Variants in TMEM132D observed in about 807,000 individuals in gnomAD.
The protein encoded by TMEM132D is mature OL transmembrane protein.
Under a neutral mutation model 62.3 loss-of-function variants are expected in TMEM132D, and 21 were observed. That is an observed-to-expected ratio of 0.34 (90% CI 0.24 to 0.49). TMEM132D has a LOEUF of 0.49. Among genes scored for constraint, TMEM132D ranks in the 20% least tolerant of loss-of-function variants. TMEM132D has a pLI of 0.99. For synonymous variants in TMEM132D, 621 were observed against 575.6 expected (o/e 1.08, Z -1.13); for missense variants, 1,346 against 1,402.8 (o/e 0.96, Z 0.65).
intron 5 of TMEM132D, among the ~76,000 whole-genome samples, chr12:129,203,990 C>A (rs1370324564): frequency 2.0e-5 from 3 of 152,130 alleles, no homozygotes; most frequent in Non-Finnish European, 4.4e-5. Context: ...CATAATCAAA[C>A]CCCCTAGAAC....
At chr12:129,372,279 A>G (rs909166668) in intron 3 of TMEM132D, among the ~76,000 whole-genome samples, 12 of 152,210 alleles carry the variant, frequency 7.9e-5, no homozygotes, top group African/African-American at 2.9e-4. Flanking sequence ...GTTTTAGGCC[A>G]GGGGTCCCCA....
At chr12:129,182,662 T>C (rs1878100362) in intron 5 of TMEM132D, among the ~76,000 whole-genome samples, 1 of 152,236 alleles carries the variant, frequency 6.6e-6, no homozygotes, top group South Asian at 2.1e-4. Flanking sequence ...TCTATGGATT[T>C]AAATGTTAAT....
At chr12:129,661,865 T>G (rs915991189) in intron 2 of TMEM132D, among the ~76,000 whole-genome samples, 1 of 152,216 alleles carries the variant, frequency 6.6e-6, no homozygotes, top group Admixed American at 6.5e-5. Context: ...CTAGGTGTGT[T>G]GTATAGGATA....
intron 1 of TMEM132D, among the ~76,000 whole-genome samples, chr12:129,792,871 C>T (rs1338111347): frequency 2.6e-5 from 4 of 151,964 alleles, no homozygotes; most frequent in African/African-American, 7.3e-5. Flanking sequence ...TTAGGTGGTA[C>T]GGAAAACACA....
chr12:129,408,359 A>C (rs1871858470), intron 3 of TMEM132D, among the ~76,000 whole-genome samples: 1 of 151,902 alleles, frequency 6.6e-6, no homozygotes. Context: ...TAGTAAGAAC[A>C]CTGAACTGCT....
In TMEM132D at chr12:129,570,358, CTTCA is replaced by C. The variant is rs1877477783; in HGVS notation, c.969-39157_969-39154del. 3.3e-5 allele frequency among the ~76,000 whole-genome samples: 5 copies of C among 152,190 alleles called. No individual in the cohort carries two copies. In the South Asian group the frequency reaches 1.0e-3, roughly 32 times the overall value. The stretch of plus-strand genomic sequence containing the variant: ...CTCATGGTGCCACAAGGACATCTAC[CTTCA>C]TGTAGTTTCATTCAAATAGATAGCC... On this transcript the variant is annotated intron_variant, in intron 2 of 8. Transcript: ENST00000422113.
Position 129,903,412 on chromosome 12 carries a change from T to C in TMEM132D, c.-73A>G, listed in dbSNP as rs571924988. 82 of 1,473,542 alleles carry C rather than the reference T, an allele frequency of 5.6e-5. No individual in the cohort carries two copies. The Admixed American group carries it at 1.3e-3, about 23-fold the overall frequency. The allele number at this position is 1,473,542 out of a possible 1,614,324, so 91.3% of individuals were successfully genotyped here. ...CGAACAAGAGACCGTCTCAGTCCCC[T>C]AGAGGCCCGCAGCGGGGCCGGTGGC... On this transcript the variant is annotated 5_prime_UTR_variant, in exon 1 of 9. Transcript: ENST00000422113. The surrounding 1 kb of genome is among the most constrained non-coding windows in gnomAD (Gnocchi z 6.2).
chr12:129,724,662 G>A (rs6486499), intron 1 of TMEM132D, among the ~76,000 whole-genome samples: 124,124 of 152,050 alleles, frequency 0.82, 51,353 homozygotes, highest in Non-Finnish European at 0.9. Context: ...AGCTGGGATT[G>A]CAAGCACCCA....
chr12:129,317,472 C>T lies in TMEM132D; in HGVS notation c.1299+20162G>A, dbSNP rs1336985198. Among the ~76,000 whole-genome samples, 3 of 152,184 alleles carry T rather than the reference C, an allele frequency of 2.0e-5. No homozygotes were observed. The East Asian group carries it at 5.8e-4, about 29-fold the overall frequency. On this transcript the variant is annotated intron_variant, in intron 4 of 8. Coordinates refer to ENST00000422113, the MANE Select transcript of TMEM132D (RefSeq NM_133448.3). ...TTTGAGGAGGCTGAAGATAGGCCCC[C>T]AATCCCTTCTAGCTTATAGGGTTTC...
At chr12:129,618,860 G>C (rs1414221504) in intron 2 of TMEM132D, among the ~76,000 whole-genome samples, 2 of 152,200 alleles carry the variant, frequency 1.3e-5, no homozygotes, top group African/African-American at 2.4e-5. Context: ...GAAGACAGAA[G>C]ACATCAATCT....
chr12:129,822,647 C>T (rs1439725305), intron 1 of TMEM132D, among the ~76,000 whole-genome samples: 5 of 152,192 alleles, frequency 3.3e-5, no homozygotes, highest in Admixed American at 6.5e-5. Context: ...CAGTTCCACA[C>T]GGCTGCCAAG....
chr12:129,098,327 G>A (rs1261947364), intron 5 of TMEM132D, among the ~76,000 whole-genome samples: 2 of 152,198 alleles, frequency 1.3e-5, no homozygotes, highest in African/African-American at 2.4e-5. Flanking sequence ...TCAGTAAGTG[G>A]TGCTGGAACA....
At chr12:129,083,551 C>G (rs1764898921) in intron 6 of TMEM132D, among the ~76,000 whole-genome samples, 1 of 152,184 alleles carries the variant, frequency 6.6e-6, no homozygotes, top group Non-Finnish European at 1.5e-5. Context: ...AGCCAGCTCC[C>G]AACTGTCCCT....
chr12:129,579,341 AC>A (rs1389906451), intron 2 of TMEM132D, among the ~76,000 whole-genome samples: 47 of 152,306 alleles, frequency 3.1e-4, no homozygotes, highest in Admixed American at 7.8e-4. Context: ...CAGGGACGAA[AC>A]TAATCAGATA....
chr12:129,770,769 A>G lies in TMEM132D; in HGVS notation c.80-70071T>C, dbSNP rs368605425. On this transcript the variant is annotated intron_variant, in intron 1 of 8. Transcript: ENST00000422113. ...CACCATAAAACCTATTTTATAATAAAGTCTTGAATAGCTCATGAAATGTAT... is the reference window on the plus strand; with the variant it reads ...CACCATAAAACCTATTTTATAATAAGGTCTTGAATAGCTCATGAAATGTAT... Among the ~76,000 whole-genome samples the G allele has an allele frequency of 2.6e-5, 4 of 152,196 alleles. No homozygotes were observed. The East Asian group carries it at 7.7e-4, about 29-fold the overall frequency.
intron 3 of TMEM132D, among the ~76,000 whole-genome samples, chr12:129,446,939 A>G (rs1013138867): frequency 6.6e-6 from 1 of 152,214 alleles, no homozygotes; most frequent in Non-Finnish European, 1.5e-5. Flanking sequence ...AGTATTAGCA[A>G]GCACACAGCA....
Position 129,903,233 on chromosome 12 carries a change from C to A in TMEM132D, c.79+28G>T. The A allele has an allele frequency of 6.4e-7, 1 of 1,551,132 alleles. No homozygotes were observed. The highest frequency in any genetic ancestry group is 8.7e-7 in the Non-Finnish European group (1 of 1,146,718). ...ACTCACTCCAGGCGAAGTTAGTCCCCGGGCCCTGGCGGCCGCGGCGTCCTC... is the reference window on the plus strand; with the variant it reads ...ACTCACTCCAGGCGAAGTTAGTCCCAGGGCCCTGGCGGCCGCGGCGTCCTC... On this transcript the variant is annotated intron_variant, in intron 1 of 8. Coordinates refer to ENST00000422113, the MANE Select transcript of TMEM132D (RefSeq NM_133448.3). This position sits in a 1 kb window ranked among gnomAD's most constrained non-coding sequence, Gnocchi z 6.2.
At chr12:129,573,768 G>GCTATGTTTATTTTTAAAAATCTGC (rs1565908513) in intron 2 of TMEM132D, among the ~76,000 whole-genome samples, 1 of 152,008 alleles carries the variant, frequency 6.6e-6, no homozygotes, top group African/African-American at 2.4e-5. Context: ...AGCAGGGAAA[G>GCTATGTTTATTTTTAAAAATCTGC]ATAACAGTGT....
chr12:129,451,311 G>A (rs1273554854), intron 3 of TMEM132D, among the ~76,000 whole-genome samples: 1 of 152,186 alleles, frequency 6.6e-6, no homozygotes, highest in East Asian at 1.9e-4. Context: ...CTGATAAGCA[G>A]GCATTAATCA....
Sources: gnomAD v4.1 joint callset for allele counts (sites outside exome capture counted in the v4.1 genomes callset) on GRCh38, gnomAD v4.1.1 for gene constraint, Gnocchi (gnomAD v3.1) non-coding constraint, MANE v1.5 for transcripts, NCBI Gene and HGNC (gene_info 2026-07-23, HGNC 2026-07-21) for gene names.